Variants in THSD7A observed in about 807,000 individuals in gnomAD.
THSD7A encodes the protein thrombospondin type 1 domain containing 7A, also known as thrombospondin type-1 domain-containing protein 7A.
In THSD7A, 96 loss-of-function variants were observed where a neutral mutation model predicts 231.3. The observed-to-expected ratio is 0.41, with a 90% CI of 0.35 to 0.49. THSD7A has a LOEUF of 0.49. THSD7A is among the 20% of genes least tolerant of loss of function. THSD7A has a pLI of 0.05. For missense variants in THSD7A, 2,290 were observed against 2,070.2 expected (o/e 1.11, Z -2.06); for synonymous variants, 940 against 743.3 (o/e 1.26, Z -4.30).
At chr7:11,534,786 T>C (rs550427299) in intron 6 of THSD7A, among the ~76,000 whole-genome samples, 5 of 152,336 alleles carry the variant, frequency 3.3e-5, no homozygotes, top group African/African-American at 7.2e-5. Context: ...GGAATGCATC[T>C]GTTGGGTTTA....
At position 11,749,662 on chromosome 7, in the gene THSD7A, T is replaced by C. The variant is rs1562527400; in HGVS notation, c.190+82095A>G. On this transcript the variant is annotated intron_variant, in intron 1 of 27. Transcript: ENST00000423059. ...AGTGGAAACTTGAGAAGATAGGTGG[T>C]CGTGATAAGTCCCTTGTAGGTATGC... is the stretch of plus-strand genomic sequence containing the variant. Among the ~76,000 whole-genome samples, 3 of 152,108 alleles carry C rather than the reference T, an allele frequency of 2.0e-5. No individual in the cohort carries two copies. In the East Asian group the frequency reaches 5.8e-4, roughly 30 times the overall value.
At chr7:11,603,520 A>G (rs1396353094) in intron 2 of THSD7A, among the ~76,000 whole-genome samples, 8 of 151,824 alleles carry the variant, frequency 5.3e-5, no homozygotes, top group Non-Finnish European at 7.4e-5. Flanking sequence ...CAGCCATCCC[A>G]TTACTGGGTA....
intron 23 of THSD7A, among the ~76,000 whole-genome samples, chr7:11,382,946 C>A (rs1328987980): frequency 6.7e-6 from 1 of 149,690 alleles, no homozygotes; most frequent in Non-Finnish European, 1.5e-5. Context: ...ATATATCTCC[C>A]ATCATGCAAT....
chr7:11,678,103 A>G (rs1037886918), intron 1 of THSD7A, among the ~76,000 whole-genome samples: 2 of 152,160 alleles, frequency 1.3e-5, no homozygotes, highest in Admixed American at 6.6e-5. Flanking sequence ...TACTGGGTAA[A>G]TAACAAAATT....
chr7:11,778,156 C>CAAAAAAAAAAAAAAA (rs57740181), intron 1 of THSD7A, among the ~76,000 whole-genome samples: 19 of 45,054 alleles, frequency 4.2e-4, no homozygotes, highest in African/African-American at 1.1e-3. Context: ...GACTCCGTCT[C>CAAAAAAAAAAAAAAA]AAAAAAAAAA....
intron 6 of THSD7A, among the ~76,000 whole-genome samples, chr7:11,531,498 T>C (rs1024981075): frequency 6.6e-6 from 1 of 152,208 alleles, no homozygotes; most frequent in Non-Finnish European, 1.5e-5. Flanking sequence ...CCAACCACAC[T>C]GGCCATGTTG....
In THSD7A at chr7:11,579,190, T is replaced by C. The variant is rs181973045; in HGVS notation, c.1453+11270A>G. 1.1e-3 allele frequency among the ~76,000 whole-genome samples: 164 copies of C among 152,336 alleles called. 1 individual carries two copies. Among genetic ancestry groups the C allele is most frequent in the African/African-American group, 3.9e-3 (161 of 41,580 alleles). The stretch of plus-strand genomic sequence containing the variant: ...ATTCTCCTTGGTTTATTTCCCTTTT[T>C]ATTGCCCATTGCTTTTAGAAGGAAT... On this transcript the variant is annotated intron_variant, in intron 4 of 27. Coordinates refer to ENST00000423059, the MANE Select transcript of THSD7A (RefSeq NM_015204.3).
intron 2 of THSD7A, among the ~76,000 whole-genome samples, chr7:11,624,973 C>T (rs1464121440): frequency 3.3e-5 from 5 of 152,134 alleles, no homozygotes; most frequent in East Asian, 1.9e-4. Flanking sequence ...AGCATTTGAA[C>T]ACCATTTTAC....
intron 4 of THSD7A, among the ~76,000 whole-genome samples, chr7:11,585,096 A>G (rs917191051): frequency 1.3e-5 from 2 of 152,190 alleles, no homozygotes; most frequent in African/African-American, 4.8e-5. Flanking sequence ...CTGCCTCATG[A>G]TATGTTTCTT....
intron 1 of THSD7A, among the ~76,000 whole-genome samples, chr7:11,640,117 G>C (rs575495070): frequency 6.6e-6 from 1 of 152,100 alleles, no homozygotes; most frequent in African/African-American, 2.4e-5. Flanking sequence ...CACACTTTCG[G>C]TTAGTAGAAT....
chr7:11,565,447 C>G (rs536917213), intron 4 of THSD7A, among the ~76,000 whole-genome samples: 1 of 152,054 alleles, frequency 6.6e-6, no homozygotes, highest in Non-Finnish European at 1.5e-5. Flanking sequence ...TGTTGTCATG[C>G]GAAGAATTGA....
At chr7:11,533,585 T>C (rs947887426) in intron 6 of THSD7A, among the ~76,000 whole-genome samples, 6 of 152,196 alleles carry the variant, frequency 3.9e-5, no homozygotes, top group Non-Finnish European at 8.8e-5. Flanking sequence ...ATCATGTTGT[T>C]TGCAGGGACA....
In THSD7A at chr7:11,462,084, C is replaced by T. The variant is rs377188011; in HGVS notation, c.2428G>A (p.Gly810Arg). The T allele has an allele frequency of 2.5e-5, 40 of 1,613,790 alleles. No individual in the cohort carries two copies. Among genetic ancestry groups the T allele is most frequent in the Admixed American group, 1.2e-4 (7 of 60,000 alleles). The change falls in exon 10 of 28, where the codon GGG becomes AGG. Residue 810 changes from glycine to arginine, a missense_variant. Gly to Arg is a moderately radical substitution (Grantham distance 125). Coordinates refer to ENST00000423059, the MANE Select transcript of THSD7A (RefSeq NM_015204.3). ...HRVIIQLPANGGRDCTDPLYE... is the reference protein window; with the variant it reads ...HRVIIQLPANRGRDCTDPLYE... ...AGGGGATCTGTGCAGTCTCGGCCCC[C>T]GTTGGCTGGCAGCTGAATGATGACC... is the stretch of plus-strand genomic sequence containing the variant.
At chr7:11,653,952 T>C (rs1782610497) in intron 1 of THSD7A, among the ~76,000 whole-genome samples, 1 of 151,922 alleles carries the variant, frequency 6.6e-6, no homozygotes, top group South Asian at 2.1e-4. Flanking sequence ...AGTAAAAATA[T>C]TCACAAATAT....
chr7:11,677,127 A>G (rs534253045), intron 1 of THSD7A, among the ~76,000 whole-genome samples: 4 of 152,286 alleles, frequency 2.6e-5, no homozygotes, highest in African/African-American at 9.6e-5. Flanking sequence ...ATTTTTAAAG[A>G]AAAGAATTTT....
At chr7:11,550,805 A>G (rs1397790993) in intron 4 of THSD7A, among the ~76,000 whole-genome samples, 1 of 152,174 alleles carries the variant, frequency 6.6e-6, no homozygotes, top group Admixed American at 6.5e-5. Context: ...TTCTATTCCT[A>G]TCAAACCACC....
At chr7:11,721,315 G>A (rs1377547994) in intron 1 of THSD7A, among the ~76,000 whole-genome samples, 1 of 151,680 alleles carries the variant, frequency 6.6e-6, no homozygotes, top group African/African-American at 2.4e-5. Flanking sequence ...TTGGATCATG[G>A]GAACATATTT....
chr7:11,825,058 AT>A (rs965160058), intron 1 of THSD7A, among the ~76,000 whole-genome samples: 15 of 146,020 alleles, frequency 1.0e-4, no homozygotes, highest in African/African-American at 1.8e-4. Flanking sequence ...TTTTCTATAT[AT>A]TTTTTTTTGT....
intron 1 of THSD7A, among the ~76,000 whole-genome samples, chr7:11,683,754 C>G (rs1783961040): frequency 6.6e-6 from 1 of 151,822 alleles, no homozygotes; most frequent in Non-Finnish European, 1.5e-5. Context: ...CCAAAAAAGC[C>G]CTGTACCAGA....
Sources: allele counts gnomAD v4.1 joint callset (sites outside exome capture counted in the v4.1 genomes callset), GRCh38; gene constraint gnomAD v4.1.1; transcripts MANE v1.5; gene names NCBI Gene and HGNC (gene_info 2026-07-23, HGNC 2026-07-21).